The following CDC40 variants were observed in gnomAD, a reference collection of about 807,000 sequenced individuals.
The protein encoded by CDC40 is cell division cycle 40.
A neutral mutation model predicts 80.6 loss-of-function variants in CDC40; 27 were observed. The observed-to-expected ratio is 0.33, with a 90% CI of 0.25 to 0.46. The LOEUF (loss-of-function observed/expected upper bound fraction) is 0.46. Among genes scored for constraint, CDC40 ranks in the 20% least tolerant of loss-of-function variants. The pLI is 1.00. For missense variants in CDC40, 486 were observed against 694.1 expected, an observed-to-expected ratio of 0.70 and a Z score of 3.37; for synonymous variants, 221 against 232.6, an observed-to-expected ratio of 0.95 and a Z score of 0.45.
At chr6:110,228,004 A>C (rs976365837) in intron 13 of CDC40, among the ~76,000 whole-genome samples, 1 of 152,202 alleles carries the variant, frequency 6.6e-6, no homozygotes. Context: ...CATTTTGTGA[A>C]CATCACACAG....
intron 1 of CDC40, among the ~76,000 whole-genome samples, chr6:110,186,888 A>G (rs1777279537): frequency 2.0e-5 from 3 of 152,196 alleles, no homozygotes; most frequent in South Asian, 4.1e-4. Context: ...ATCACTTCAC[A>G]TATTATTTTA....
chr6:110,201,813 T>A (rs944369229), intron 3 of CDC40, 126 bp downstream of exon 3: 44 of 633,630 alleles, frequency 6.9e-5, no homozygotes, highest in Non-Finnish European at 1.1e-4. Flanking sequence ...ATAGTATGCC[T>A]TCCTATACAT....
At chr6:110,186,395 G>A (rs1777270798) in intron 1 of CDC40, among the ~76,000 whole-genome samples, 1 of 152,038 alleles carries the variant, frequency 6.6e-6, no homozygotes, top group African/African-American at 2.4e-5. Flanking sequence ...AAGGTAGGGG[G>A]ATCGCTGGAG....
intron 1 of CDC40, among the ~76,000 whole-genome samples, chr6:110,191,508 T>C (rs906970222): frequency 4.6e-5 from 7 of 152,162 alleles, no homozygotes; most frequent in African/African-American, 1.7e-4. Context: ...AGAGATAATA[T>C]ATATATCCAC....
chr6:110,222,152 G>A (rs1777786080), intron 12 of CDC40, among the ~76,000 whole-genome samples: 1 of 152,134 alleles, frequency 6.6e-6, no homozygotes, highest in Non-Finnish European at 1.5e-5. Context: ...CTACTCGGGA[G>A]GCTGAGGCAG....
chr6:110,188,082 C>T (rs1036315467), intron 1 of CDC40, among the ~76,000 whole-genome samples: 2 of 152,042 alleles, frequency 1.3e-5, no homozygotes, highest in Non-Finnish European at 2.9e-5. Context: ...TATTGGCTGC[C>T]AGTGTTGCTT....
At chr6:110,212,044 C>T in intron 6 of CDC40, 89 bp from the exon 7 acceptor site, 1 of 1,083,958 alleles carries the variant, frequency 9.2e-7, no homozygotes, top group Non-Finnish European at 1.4e-6. Context: ...GAATGATATA[C>T]CTGTGAATAA....
intron 1 of CDC40, 62 bp downstream of exon 1, chr6:110,180,695 C>T (rs1402182467): frequency 1.6e-6 from 2 of 1,237,198 alleles, no homozygotes; most frequent in East Asian, 4.7e-5. Context: ...GAACTGCCAG[C>T]CGCTTGTTAG....
chr6:110,203,544 C>G (rs1053064471), intron 3 of CDC40, among the ~76,000 whole-genome samples: 3 of 152,206 alleles, frequency 2.0e-5, no homozygotes, highest in Admixed American at 1.3e-4. Context: ...CCTGGGCTAT[C>G]ACTGCTGGAA....
chr6:110,194,111 T>C (rs1402487054), intron 2 of CDC40, among the ~76,000 whole-genome samples: 1 of 152,194 alleles, frequency 6.6e-6, no homozygotes, highest in Non-Finnish European at 1.5e-5. Context: ...ATATTGTTCA[T>C]TTAAGAAAGT....
chr6:110,223,455 A>G (rs1219638978), intron 12 of CDC40, among the ~76,000 whole-genome samples: 1 of 150,802 alleles, frequency 6.6e-6, no homozygotes, highest in Non-Finnish European at 1.5e-5. Context: ...CTGTCCTGCT[A>G]CAAAGATAAA....
intron 10 of CDC40, among the ~76,000 whole-genome samples, chr6:110,219,086 C>T (rs1474982960): frequency 1.3e-5 from 2 of 151,994 alleles, no homozygotes; most frequent in Non-Finnish European, 2.9e-5. Context: ...ATGGCTTGTA[C>T]CAGTAGTTTG....
chr6:110,185,241 CTTTTTTT>C (rs1227694611), intron 1 of CDC40, among the ~76,000 whole-genome samples: 6 of 124,032 alleles, frequency 4.8e-5, no homozygotes, highest in East Asian at 2.3e-4. Context: ...ATCTTTTTTT[CTTTTTTT>C]TTTTTTTTTT....
intron 2 of CDC40, among the ~76,000 whole-genome samples, chr6:110,194,381 T>C (rs542542373): frequency 1.3e-5 from 2 of 152,332 alleles, no homozygotes; most frequent in South Asian, 4.1e-4. Context: ...ATTAGCCCTT[T>C]TGTGACATGT....
chr6:110,203,524 A>G (rs1304694976), intron 3 of CDC40, among the ~76,000 whole-genome samples: 2 of 152,250 alleles, frequency 1.3e-5, no homozygotes, highest in African/African-American at 2.4e-5. Flanking sequence ...TTTTACCTCA[A>G]TCTCATAACC....
At chr6:110,219,646 A>G (rs1777742822) in intron 11 of CDC40, 90 bp from the exon 12 acceptor site, 8 of 1,419,804 alleles carry the variant, frequency 5.6e-6, no homozygotes, top group Non-Finnish European at 7.8e-6. Context: ...ATCGTGTTGA[A>G]GATCTTCTCC....
chr6:110,217,604 ACTG>A lies in CDC40; in HGVS notation c.989-95_989-93del, dbSNP rs1777716605. On this transcript the variant is annotated intron_variant, in intron 9 of 14. Transcript: ENST00000307731. ...TGATCTTGACTCACAGCTGAGAACCACTGCTTAGTGCTGTTTGTCTTTATGGTG... is the reference window on the plus strand; with the variant it reads ...TGATCTTGACTCACAGCTGAGAACCACTTAGTGCTGTTTGTCTTTATGGTG... 4.3e-6 allele frequency: 3 copies of A among 696,908 alleles called. No individual in the cohort carries two copies. In the African/African-American group the frequency reaches 5.3e-5, roughly 12 times the overall value. 43.2% of individuals were successfully genotyped at this position (696,908 alleles called of 1,614,324 possible).
rs142558215 is a variant in CDC40 at position 110,194,570 on chromosome 6, A to G, written c.276+1302A>G. On this transcript the variant is annotated intron_variant, in intron 2 of 14. Coordinates refer to ENST00000307731, the MANE Select transcript of CDC40 (RefSeq NM_015891.3). The stretch of plus-strand genomic sequence containing the variant: ...TCTTCCCATGCTCTGACACGACGGC[A>G]CATTTTAATTTTTATTCCATTGTGT... 2.3e-3 allele frequency among the ~76,000 whole-genome samples: 350 copies of G among 152,304 alleles called. 2 individuals carry two copies. Among genetic ancestry groups the G allele is most frequent in the African/African-American group, 8.2e-3 (340 of 41,564 alleles).
intron 12 of CDC40, among the ~76,000 whole-genome samples, chr6:110,223,573 G>A (rs890684302): frequency 6.6e-6 from 1 of 152,128 alleles, no homozygotes; most frequent in African/African-American, 2.4e-5. Flanking sequence ...GAGGAAGGGA[G>A]GCCCTGACCT....
Sources: allele counts gnomAD v4.1 joint callset (sites outside exome capture counted in the v4.1 genomes callset), GRCh38; gene constraint gnomAD v4.1.1; transcripts MANE v1.5; gene names NCBI Gene and HGNC (gene_info 2026-07-23, HGNC 2026-07-21).